GAPVD1: variants seen among roughly 807,000 people sequenced by gnomAD.
GAPVD1 encodes GTPase activating protein and VPS9 domains 1.
In GAPVD1, 35 loss-of-function variants were observed where a neutral mutation model predicts 155.5. The observed-to-expected ratio is 0.23, with a 90% confidence interval of 0.17 to 0.30. GAPVD1 has a LOEUF of 0.30. GAPVD1 is among the 10% of genes least tolerant of loss of function. The pLI is 1.00. For missense variants in GAPVD1, 1,429 were observed against 1,775.7 expected (o/e 0.80, Z 3.51); for synonymous variants, 636 against 619.7 (o/e 1.03, Z -0.39).
chr9:125,262,201 GGA>G (rs1208256755), intron 1 of GAPVD1, among the ~76,000 whole-genome samples: 2 of 152,164 alleles, frequency 1.3e-5, no homozygotes, highest in East Asian at 3.9e-4. Flanking sequence ...CTGAGGAGAG[GGA>G]GAGACGCGTG....
At chr9:125,273,141 A>C (rs933641140) in intron 2 of GAPVD1, among the ~76,000 whole-genome samples, 3 of 152,164 alleles carry the variant, frequency 2.0e-5, no homozygotes, top group Non-Finnish European at 4.4e-5. Context: ...GAGATTGTTA[A>C]ATTAGATTTG....
At chr9:125,338,190 A>T (rs929599920) in intron 17 of GAPVD1, among the ~76,000 whole-genome samples, 1 of 152,096 alleles carries the variant, frequency 6.6e-6, no homozygotes, top group Non-Finnish European at 1.5e-5. Context: ...AGTATTTTTT[A>T]TTTTAAACAA....
rs1263855497 is a variant in GAPVD1, at chr9:125,362,603, T to C, written c.4243-3T>C. Reference sequence around the variant, plus strand: ...GATTCTTTTTTATTTTTCACTTCTCTAGGCAAATCCACCCTGTTTGCTGTC... The same window carrying C: ...GATTCTTTTTTATTTTTCACTTCTCCAGGCAAATCCACCCTGTTTGCTGTC... On this transcript the variant is annotated splice_polypyrimidine_tract_variant and splice_region_variant and intron_variant, in intron 27 of 27. Coordinates refer to ENST00000297933, the MANE Select transcript of GAPVD1 (RefSeq NM_001282680.3). 6.3e-7 allele frequency: 1 copy of C among 1,593,404 alleles called. No individual in the cohort carries two copies. The highest frequency in any genetic ancestry group is 1.8e-5 in the Admixed American group (1 of 56,060).
At chr9:125,350,151 A>T (rs146297848) in intron 21 of GAPVD1, 144 bp from the exon 22 acceptor site, 11 of 581,868 alleles carry the variant, frequency 1.9e-5, no homozygotes, top group Middle Eastern at 4.7e-4. Flanking sequence ...TGTTCTTTTA[A>T]GTGGAGTGTC....
In GAPVD1 at chr9:125,328,667, C is replaced by T. The variant is rs1367839351; in HGVS notation, c.2033-1411C>T. On this transcript the variant is annotated intron_variant, in intron 12 of 27. Transcript: ENST00000297933. ...TCCCCACCTTTCCCGCCTTTCTATT[C>T]CACAAAGCCGCCATTGTCATCCTGG... Among the ~76,000 whole-genome samples the T allele has an allele frequency of 2.0e-5, 3 of 151,258 alleles. No individual in the cohort carries two copies. The South Asian group carries it at 6.3e-4, about 32-fold the overall frequency.
At chr9:125,262,168 G>A (rs10121508) in intron 1 of GAPVD1, among the ~76,000 whole-genome samples, 74,276 of 151,798 alleles carry the variant, frequency 0.49, 18,360 homozygotes, top group Middle Eastern at 0.58. Context: ...GTGGCGGCGC[G>A]CAGGAGCCAG....
intron 2 of GAPVD1, among the ~76,000 whole-genome samples, chr9:125,273,818 T>C (rs928896005): frequency 5.3e-5 from 8 of 152,172 alleles, no homozygotes; most frequent in Non-Finnish European, 5.9e-5. Context: ...GTGGTTTTCT[T>C]GGACCTCTGC....
intron 15 of GAPVD1, among the ~76,000 whole-genome samples, chr9:125,333,376 G>A (rs1006120673): frequency 4.7e-5 from 7 of 149,116 alleles, no homozygotes; most frequent in Admixed American, 1.3e-4. Flanking sequence ...CACCGCACCC[G>A]GCCAGTAAAA....
chr9:125,341,282 T>C lies in GAPVD1; in HGVS notation c.2965+18T>C, dbSNP rs905918801. Reference sequence around the variant, plus strand: ...GCCTAAAGGTAATTTTATAAAATATTAGAACGCTGTATTAGCAATAAGAAG... The same window carrying C: ...GCCTAAAGGTAATTTTATAAAATATCAGAACGCTGTATTAGCAATAAGAAG... On this transcript the variant is annotated intron_variant, in intron 18 of 27. Transcript: ENST00000297933. 2 of 1,224,112 alleles carry C rather than the reference T, an allele frequency of 1.6e-6. No individual in the cohort carries two copies. The highest frequency in any genetic ancestry group is 4.6e-5 in the East Asian group (2 of 43,116). 75.8% of individuals were successfully genotyped at this position (1,224,112 alleles called of 1,614,324 possible).
rs758419609 is a variant in GAPVD1, at chr9:125,299,050, T to A, written c.129T>A (p.Arg43=). ...DVLKTAEKLY[R]TAWIAKQQRI... ...TTAAGACAGCTGAAAAGTTGTATCG[T>A]ACAGCATGGATTGCGAAGCAACAGA... Residue 43 remains arginine (R), a synonymous_variant, in exon 4 of 28, where the codon CGT becomes CGA. Transcript: ENST00000297933. 1 of 1,609,880 alleles carries A rather than the reference T, an allele frequency of 6.2e-7. No homozygotes were observed. The highest frequency in any genetic ancestry group is 8.5e-7 in the Non-Finnish European group (1 of 1,178,122).
In GAPVD1 at chr9:125,304,981, T is replaced by C. The variant is rs2130977488; in HGVS notation, c.1030-82T>C. The C allele has an allele frequency of 2.1e-5, 19 of 886,202 alleles. 1 individual carries two copies. Among genetic ancestry groups the C allele is most frequent in the South Asian group, 1.9e-4 (14 of 72,446 alleles). 54.9% of individuals were successfully genotyped at this position (886,202 alleles called of 1,614,324 possible). The stretch of plus-strand genomic sequence containing the variant: ...TATGAAACAGATTTTTAGAACAGAA[T>C]AGACGTGCTTGCTTTCATAGAGACG... On this transcript the variant is annotated intron_variant, in intron 5 of 27. Coordinates refer to ENST00000297933, the MANE Select transcript of GAPVD1 (RefSeq NM_001282680.3).
At chr9:125,298,333 C>G (rs904945394) in intron 3 of GAPVD1, among the ~76,000 whole-genome samples, 2 of 152,164 alleles carry the variant, frequency 1.3e-5, no homozygotes, top group Non-Finnish European at 2.9e-5. Flanking sequence ...GCACCTGTCT[C>G]TAAGCGGTGG....
In GAPVD1 at chr9:125,303,885, T is replaced by G. The variant is rs534884817; in HGVS notation, c.1029+1059T>G. 8 of 152,302 alleles carry G rather than the reference T, an allele frequency of 5.3e-5. No homozygotes were observed. The East Asian group carries it at 1.5e-3, about 29-fold the overall frequency. The allele number at this position is 152,302 out of a possible 1,614,324, so 9.4% of individuals were successfully genotyped here. ...TATAGAAATGCCTGAAATAAAATTT[T>G]TAACTTTTTTTAATGTTTATAAATT... On this transcript the variant is annotated intron_variant, in intron 5 of 27. Transcript: ENST00000297933.
In GAPVD1 at chr9:125,364,718, A is replaced by C. The variant is rs1243888151; in HGVS notation, c.*1972A>C. The C allele has an allele frequency of 6.6e-6, 1 of 152,636 alleles. No homozygotes were observed. The highest frequency in any genetic ancestry group is 1.5e-5 in the Non-Finnish European group (1 of 68,052). The allele number at this position is 152,636 out of a possible 1,614,324, so 9.5% of individuals were successfully genotyped here. ...GTTAGGTCAAGAAATCCATGTACAG[A>C]GTCGTGCACTTCATTGGCTGTAACT... On this transcript the variant is annotated 3_prime_UTR_variant, in exon 28 of 28. Transcript: ENST00000297933.
chr9:125,335,159 C>T (rs758230956), intron 15 of GAPVD1: 25 of 752,076 alleles, frequency 3.3e-5, no homozygotes, highest in East Asian at 3.2e-4. Flanking sequence ...ACTACATGTC[C>T]GTGTGAGGCC....
Position 125,333,696 on chromosome 9 carries a change from C to T in GAPVD1, c.2428+1067C>T, listed in dbSNP as rs190298123. On this transcript the variant is annotated intron_variant, in intron 15 of 27. Transcript: ENST00000297933. ...AGAGACAGGGTTTCTCCATGTTGGT[C>T]AGGCTGGTCTGGAACCCCCAACCTC... 3.3e-5 allele frequency among the ~76,000 whole-genome samples: 5 copies of T among 152,018 alleles called. No individual in the cohort carries two copies. In the East Asian group the frequency reaches 9.8e-4, roughly 30 times the overall value.
intron 27 of GAPVD1, among the ~76,000 whole-genome samples, chr9:125,361,636 T>C (rs778255843): frequency 6.6e-6 from 1 of 152,206 alleles, no homozygotes; most frequent in South Asian, 2.1e-4. Context: ...TTCTTTAATA[T>C]GGAATTCCTT....
chr9:125,274,256 G>A (rs959761691), intron 2 of GAPVD1, among the ~76,000 whole-genome samples: 1 of 151,896 alleles, frequency 6.6e-6, no homozygotes, highest in Non-Finnish European at 1.5e-5. Context: ...GACCTAAAGT[G>A]ATCTGCCGGC....
chr9:125,268,650 A>T (rs1428194365), intron 1 of GAPVD1, among the ~76,000 whole-genome samples: 1 of 151,690 alleles, frequency 6.6e-6, no homozygotes, highest in East Asian at 2.0e-4. Flanking sequence ...CAGGCACATG[A>T]CACCATGCTT....
Sources: gnomAD v4.1 joint callset for allele counts (sites outside exome capture counted in the v4.1 genomes callset) on GRCh38, gnomAD v4.1.1 for gene constraint, MANE v1.5 for transcripts, NCBI Gene and HGNC (gene_info 2026-07-23, HGNC 2026-07-21) for gene names.